Variants in YPEL5 observed in about 807,000 individuals in gnomAD.
The protein encoded by YPEL5 is yippee like 5.
A neutral mutation model predicts 10.5 loss-of-function variants in YPEL5; 1 was observed. That is an observed-to-expected ratio of 0.10 (90% confidence interval 0.03 to 0.45). The LOEUF is 0.45. YPEL5 is among the 20% of genes least tolerant of loss of function. The pLI, the probability that YPEL5 is intolerant of heterozygous loss-of-function variation, is 0.97. For synonymous variants in YPEL5, 61 were observed against 56.6 expected (o/e 1.08, Z -0.35); for missense variants, 68 against 159.3 (o/e 0.43, Z 3.09).
rs150102135 is a variant in YPEL5, at chr2:30,153,122, C to T, written c.-24-3506C>T. Among the ~76,000 whole-genome samples the T allele has an allele frequency of 6.4e-3, 981 of 152,218 alleles. 13 individuals are homozygous for T. Among genetic ancestry groups the T allele is most frequent in the African/African-American group, 0.022 (929 of 41,530 alleles). ...TTCACAGTGTTAGCCAGGATGGTTT[C>T]GATCTCCTGACGTCGTGATCCGCCC... On this transcript the variant is annotated intron_variant, in intron 1 of 2. Coordinates refer to ENST00000261353, the MANE Select transcript of YPEL5 (RefSeq NM_016061.3).
At chr2:30,154,177 T>G (rs1017341087) in intron 1 of YPEL5, among the ~76,000 whole-genome samples, 21 of 152,230 alleles carry the variant, frequency 1.4e-4, no homozygotes, top group African/African-American at 4.6e-4. Context: ...TACAAATGAC[T>G]GCACAAATAC....
intron 1 of YPEL5, among the ~76,000 whole-genome samples, chr2:30,151,783 A>G (rs1675804637): frequency 1.3e-5 from 2 of 152,232 alleles, no homozygotes; most frequent in South Asian, 4.1e-4. Flanking sequence ...CTACTAAAGG[A>G]CACAGTAAGC....
Position 30,158,657 on chromosome 2 carries a change from C to T in YPEL5, c.180C>T (p.Val60=). ...NLQYSEVQDR[V]MLTGRHMVRD... is the part of the protein sequence containing the mutation. ...AGTACAGTGAAGTTCAAGATCGGGT[C>T]ATGCTCACTGGCCGCCACATGGTTC... The change falls in exon 3 of 3, where the codon GTC becomes GTT. Residue 60 remains valine, a synonymous_variant. Transcript: ENST00000261353. The T allele has an allele frequency of 6.2e-7, 1 of 1,613,982 alleles. No individual in the cohort carries two copies. The highest frequency in any genetic ancestry group is 8.5e-7 in the Non-Finnish European group (1 of 1,180,034).
At chr2:30,153,057 T>C (rs1312531732) in intron 1 of YPEL5, among the ~76,000 whole-genome samples, 2 of 152,070 alleles carry the variant, frequency 1.3e-5, no homozygotes, top group Non-Finnish European at 2.9e-5. Context: ...CCCGCCACCA[T>C]GCCCGGCTAA....
chr2:30,154,218 C>T (rs184973084), intron 1 of YPEL5, among the ~76,000 whole-genome samples: 146 of 152,322 alleles, frequency 9.6e-4, no homozygotes, highest in African/African-American at 3.5e-3. Flanking sequence ...AATCTGAGGC[C>T]TATACCTCAA....
chr2:30,148,062 TG>T (rs1360966464), intron 1 of YPEL5: 4 of 152,300 alleles, frequency 2.6e-5, no homozygotes, highest in African/African-American at 9.6e-5. Flanking sequence ...GGCGTGCCCT[TG>T]CAACCCCTTT....
intron 1 of YPEL5, among the ~76,000 whole-genome samples, chr2:30,149,826 G>C (rs183066412): frequency 4.4e-4 from 67 of 152,352 alleles, no homozygotes; most frequent in African/African-American, 1.5e-3. Flanking sequence ...ACTGTGGTCT[G>C]TCCAACACTG....
In YPEL5 at chr2:30,158,807, G is replaced by A; in HGVS notation, c.330G>A (p.Glu110=). 1 of 1,614,150 alleles carries A rather than the reference G, an allele frequency of 6.2e-7. No homozygotes were observed. The highest frequency in any genetic ancestry group is 8.5e-7 in the Non-Finnish European group (1 of 1,180,022). ...AACGTGCTCTAGTTCGAGAGAGTGA[G>A]GGCTTTGAGGAGCATGTACCATCTG... The part of the protein sequence containing the change: ...ILERALVRES[E]GFEEHVPSDN... The change falls in exon 3 of 3, where the codon GAG becomes GAA. Residue 110 remains glutamate, a synonymous_variant. Transcript: ENST00000261353.
At chr2:30,157,873 AATGGAACACAGC>A (rs1196884412) in intron 2 of YPEL5, among the ~76,000 whole-genome samples, 1 of 152,218 alleles carries the variant, frequency 6.6e-6, no homozygotes, top group Non-Finnish European at 1.5e-5. Flanking sequence ...TGGTAAATGT[AATGGAACACAGC>A]TCTGCTTGTG....
chr2:30,151,821 G>A (rs887150180), intron 1 of YPEL5, among the ~76,000 whole-genome samples: 1 of 152,190 alleles, frequency 6.6e-6, no homozygotes, highest in Non-Finnish European at 1.5e-5. Context: ...CCAAACATTA[G>A]CTGTCTGTGA....
intron 1 of YPEL5, among the ~76,000 whole-genome samples, chr2:30,153,967 T>G (rs1308164136): frequency 6.6e-6 from 1 of 152,222 alleles, no homozygotes; most frequent in Non-Finnish European, 1.5e-5. Flanking sequence ...GATAAAATGA[T>G]GTAGGCAGAA....
At chr2:30,155,796 C>A (rs1164926646) in intron 1 of YPEL5, 1 of 152,200 alleles carries the variant, frequency 6.6e-6, no homozygotes, top group African/African-American at 2.4e-5. Flanking sequence ...TAAAGATAAT[C>A]AAGTTATGTA....
chr2:30,158,706 A>C lies in YPEL5; in HGVS notation c.229A>C (p.Asn77His), dbSNP rs1259974098. ...MVRDVSCKNC[N>H]SKLGWIYEFA... is the part of the protein sequence containing the mutation. Reference sequence around the variant, plus strand: ...TCGAGATGTGAGCTGCAAAAACTGCAATAGCAAACTGGGATGGATCTATGA... The same window carrying C: ...TCGAGATGTGAGCTGCAAAAACTGCCATAGCAAACTGGGATGGATCTATGA... The change falls in exon 3 of 3, where the codon AAT (asparagine) becomes CAT (histidine). Residue 77 changes from asparagine to histidine, a missense_variant. Asn to His is a moderately conservative substitution (Grantham distance 68, BLOSUM62 1). Around this residue, in one of 2 missense-constraint regions of YPEL5, gnomAD observed 48 missense variants for 138.4 expected, o/e 0.35. Transcript: ENST00000261353. 2.5e-6 allele frequency: 4 copies of C among 1,614,242 alleles called. No individual in the cohort carries two copies. Among genetic ancestry groups the C allele is most frequent in the Non-Finnish European group, 3.4e-6 (4 of 1,180,034 alleles).
At position 30,147,015 on chromosome 2, in the gene YPEL5, T is replaced by A. The variant is rs1675422268; in HGVS notation, c.-72T>A. 1 of 152,452 alleles carries A rather than the reference T, an allele frequency of 6.6e-6. No individual in the cohort carries two copies. The highest frequency in any genetic ancestry group is 1.5e-5 in the Non-Finnish European group (1 of 68,276). 9.4% of individuals were successfully genotyped at this position (152,452 alleles called of 1,614,324 possible). A position where few individuals can be genotyped will look rare whatever the true frequency, so the allele number is the denominator to read the frequency against. On this transcript the variant is annotated 5_prime_UTR_variant, in exon 1 of 3. Coordinates refer to ENST00000261353, the MANE Select transcript of YPEL5 (RefSeq NM_016061.3). ...GGTGGCCGAGGGGCTTCATACCAGC[T>A]GAAGAGCGACAAGCCGCTGGCAGCC...
At chr2:30,147,395 C>G (rs931486012) in intron 1 of YPEL5, 3 of 148,382 alleles carry the variant, frequency 2.0e-5, no homozygotes, top group Non-Finnish European at 4.5e-5. Context: ...GCGCCTCCGC[C>G]CCGTTTCCCC....
intron 1 of YPEL5, chr2:30,148,047 G>C (rs1432690466): frequency 6.6e-6 from 1 of 152,182 alleles, no homozygotes; most frequent in Non-Finnish European, 1.5e-5. Flanking sequence ...GCAGTCGGGA[G>C]GGTGGGCGTG....
At chr2:30,156,528 T>C in intron 1 of YPEL5, 100 bp from the exon 2 acceptor site, 1 of 1,112,998 alleles carries the variant, frequency 9.0e-7, no homozygotes, top group Admixed American at 2.2e-5. Flanking sequence ...AAGCAGAGAT[T>C]ACATAAATAC....
At chr2:30,149,918 G>A (rs543625622) in intron 1 of YPEL5, among the ~76,000 whole-genome samples, 10 of 152,332 alleles carry the variant, frequency 6.6e-5, no homozygotes, top group African/African-American at 1.7e-4. Context: ...TCTGTGAACT[G>A]GGTGTTTTTC....
rs559487150 is a variant in YPEL5 at position 30,158,977 on chromosome 2, G to C, written c.*134G>C. 18 of 807,670 alleles carry C rather than the reference G, an allele frequency of 2.2e-5. No individual in the cohort carries two copies. Among genetic ancestry groups the C allele is most frequent in the Non-Finnish European group, 3.2e-5 (17 of 523,896 alleles). 50.0% of individuals were successfully genotyped at this position (807,670 alleles called of 1,614,324 possible). On this transcript the variant is annotated 3_prime_UTR_variant, in exon 3 of 3. Coordinates refer to ENST00000261353, the MANE Select transcript of YPEL5 (RefSeq NM_016061.3). Reference sequence around the variant, plus strand: ...CAAGAGGTTGTGAGAATCTAAGATGGAACCTTTCTTTCTTTCTTTCTTTTT... The same window carrying C: ...CAAGAGGTTGTGAGAATCTAAGATGCAACCTTTCTTTCTTTCTTTCTTTTT...
Sources: allele counts gnomAD v4.1 joint callset (sites outside exome capture counted in the v4.1 genomes callset), GRCh38; gene constraint gnomAD v4.1.1; regional missense constraint gnomAD v4.1.1; transcripts MANE v1.5; gene names NCBI Gene and HGNC (gene_info 2026-07-23, HGNC 2026-07-21).